Variants in GOLGA4 observed in about 807,000 individuals in gnomAD.
GOLGA4 encodes golgin A4.
A neutral mutation model predicts 265.9 loss-of-function variants in GOLGA4; 169 were observed. The observed-to-expected ratio is 0.64, with a 90% CI of 0.56 to 0.72. The LOEUF is 0.72. Ranked by LOEUF, GOLGA4 falls within the 30% of genes least tolerant of loss-of-function variation. The pLI is 0.00. For missense variants in GOLGA4, 2,482 were observed against 2,483.4 expected, an observed-to-expected ratio of 1.00 and a Z score of 0.01; for synonymous variants, 923 against 855.8, an observed-to-expected ratio of 1.08 and a Z score of -1.37.
Position 37,294,975 on chromosome 3 carries a change from T to G in GOLGA4, c.583-4T>G, listed in dbSNP as rs765351500. ...AATTACCTGTAAATCATTTTATGTT[T>G]TAGGAGCTCCAAATGGACCAGCAGG... On this transcript the variant is annotated splice_region_variant and splice_polypyrimidine_tract_variant and intron_variant, in intron 5 of 23. Transcript: ENST00000361924. The G allele has an allele frequency of 6.3e-7, 1 of 1,576,530 alleles. No individual in the cohort carries two copies. The highest frequency in any genetic ancestry group is 1.2e-5 in the South Asian group (1 of 85,692).
chr3:37,298,870 C>T lies in GOLGA4; in HGVS notation c.852C>T (p.Leu284=). ...CTTCTGTAAAAACACTGGAAACACT[C>T]CAGCAAAGAGTGAAGCGTCAAGAGA... The part of the protein sequence containing the change: ...DGTSVKTLET[L]QQRVKRQENL... Residue 284 remains leucine, a synonymous_variant, in exon 8 of 24, where the codon CTC becomes CTT. Coordinates refer to ENST00000361924, the MANE Select transcript of GOLGA4 (RefSeq NM_002078.5). The T allele has an allele frequency of 6.2e-7, 1 of 1,612,018 alleles. No homozygotes were observed. Among genetic ancestry groups the T allele is most frequent in the Non-Finnish European group, 8.5e-7 (1 of 1,179,322 alleles).
chr3:37,313,050 GA>G (rs1025778856), intron 10 of GOLGA4, among the ~76,000 whole-genome samples: 4 of 152,038 alleles, frequency 2.6e-5, no homozygotes, highest in African/African-American at 7.2e-5. Flanking sequence ...TAAAAATACA[GA>G]AATTAGCCCG....
Position 37,246,341 on chromosome 3 carries a change from T to C in GOLGA4, c.72+2719T>C, listed in dbSNP as rs547511634. Among the ~76,000 whole-genome samples the C allele has an allele frequency of 2.0e-5, 3 of 151,632 alleles. No homozygotes were observed. In the South Asian group the frequency reaches 6.3e-4, roughly 32 times the overall value. Reference sequence around the variant, plus strand: ...AAAAAAAATATGTTTTAACAACAAATACCTATTTTGGATTTTTAAACTCCT... The same window carrying C: ...AAAAAAAATATGTTTTAACAACAAACACCTATTTTGGATTTTTAAACTCCT... On this transcript the variant is annotated intron_variant, in intron 1 of 23. Coordinates refer to ENST00000361924, the MANE Select transcript of GOLGA4 (RefSeq NM_002078.5).
intron 17 of GOLGA4, 139 bp from the exon 18 acceptor site, chr3:37,337,004 G>A: frequency 1.6e-6 from 1 of 629,688 alleles, no homozygotes; most frequent in South Asian, 1.9e-5. Context: ...ATTTAAAGTT[G>A]CCTTACCTCA....
Position 37,315,400 on chromosome 3 carries a change from T to C in GOLGA4, c.1235-20T>C, listed in dbSNP as rs2096934826. On this transcript the variant is annotated intron_variant, in intron 10 of 23. Coordinates refer to ENST00000361924, the MANE Select transcript of GOLGA4 (RefSeq NM_002078.5). The stretch of plus-strand genomic sequence containing the variant: ...GATAATATTTCTTGAGATACTTGTT[T>C]TCTGTTGTTTTCATTATAGCTTTTG... The C allele has an allele frequency of 6.3e-7, 1 of 1,594,164 alleles. No individual in the cohort carries two copies. The highest frequency in any genetic ancestry group is 1.8e-5 in the Admixed American group (1 of 55,612).
intron 2 of GOLGA4, among the ~76,000 whole-genome samples, chr3:37,273,316 T>C (rs1371528984): frequency 6.6e-6 from 1 of 152,230 alleles, no homozygotes; most frequent in Non-Finnish European, 1.5e-5. Flanking sequence ...ATCTTTGCTA[T>C]TGAGTTCTGT....
At chr3:37,247,480 C>T (rs1254723694) in intron 1 of GOLGA4, among the ~76,000 whole-genome samples, 3 of 152,186 alleles carry the variant, frequency 2.0e-5, no homozygotes, top group Non-Finnish European at 4.4e-5. Flanking sequence ...ATCAGGGTGA[C>T]ATCTGAGTAG....
intron 2 of GOLGA4, among the ~76,000 whole-genome samples, chr3:37,260,247 C>T (rs1164318431): frequency 6.6e-6 from 1 of 151,638 alleles, no homozygotes; most frequent in Non-Finnish European, 1.5e-5. Flanking sequence ...CATCCTGGGC[C>T]ACAGGTTGGA....
chr3:37,356,921 C>T (rs1376446600), intron 22 of GOLGA4, among the ~76,000 whole-genome samples: 1 of 152,122 alleles, frequency 6.6e-6, no homozygotes, highest in Non-Finnish European at 1.5e-5. Flanking sequence ...AGTGTAGGCT[C>T]ATCCTAAGTC....
intron 4 of GOLGA4, among the ~76,000 whole-genome samples, chr3:37,288,503 G>A (rs1219015482): frequency 6.7e-6 from 1 of 149,554 alleles, no homozygotes; most frequent in East Asian, 2.0e-4. Context: ...TTGAGATGGA[G>A]TCTTGCTCTT....
intron 3 of GOLGA4, among the ~76,000 whole-genome samples, chr3:37,282,858 A>C (rs2096838518): frequency 6.6e-6 from 1 of 152,156 alleles, no homozygotes; most frequent in Non-Finnish European, 1.5e-5. Context: ...TTCACTTTTC[A>C]ATCCTTTAGG....
rs1284262503 is a variant in GOLGA4, at chr3:37,257,909, ATATATG to A, written c.162+6429_162+6434del. On this transcript the variant is annotated intron_variant, in intron 2 of 23. Coordinates refer to ENST00000361924, the MANE Select transcript of GOLGA4 (RefSeq NM_002078.5). ...CATATATATACATATATATATATAT[ATATATG>A]TATGTATATATGTATATATACATAC... Among the ~76,000 whole-genome samples the A allele has an allele frequency of 3.2e-5, 4 of 126,972 alleles. 1 individual carries two copies. The highest frequency in any genetic ancestry group is 6.5e-5 in the Non-Finnish European group (4 of 61,128). 83.3% of individuals were successfully genotyped at this position (126,972 alleles called of 152,430 possible).
chr3:37,299,211 A>G (rs1436181836), intron 8 of GOLGA4, 77 bp from the exon 9 acceptor site: 3 of 1,030,208 alleles, frequency 2.9e-6, no homozygotes, highest in African/African-American at 3.2e-5. Context: ...ATGTATATAA[A>G]TTAGATAAAT....
rs369039900 is a variant in GOLGA4, at chr3:37,302,292, A to G, written c.1194A>G (p.Gly398=). 4 of 1,613,622 alleles carry G rather than the reference A, an allele frequency of 2.5e-6. No homozygotes were observed. Among genetic ancestry groups the G allele is most frequent in the Non-Finnish European group, 2.5e-6 (3 of 1,179,662 alleles). ...GCATCAAACAGATGACTACCCAGGG[A>G]GAGGAATTACGGGAACAGAAAGAAA... ...RSRIKQMTTQ[G]EELREQKEKS... Residue 398 remains glycine (G), a synonymous_variant, in exon 10 of 24, where the codon GGA becomes GGG. Coordinates refer to ENST00000361924, the MANE Select transcript of GOLGA4 (RefSeq NM_002078.5).
chr3:37,344,152 A>C (rs1030616763), intron 20 of GOLGA4, among the ~76,000 whole-genome samples: 1 of 152,178 alleles, frequency 6.6e-6, no homozygotes, highest in African/African-American at 2.4e-5. Flanking sequence ...TTCAGGCTGG[A>C]GTGTAGTGGC....
At chr3:37,327,931 C>A in intron 14 of GOLGA4, 106 bp downstream of exon 14, 1 of 868,984 alleles carries the variant, frequency 1.2e-6, no homozygotes, top group Non-Finnish European at 1.7e-6. Flanking sequence ...TAAGTTTCAC[C>A]AACCCAAAAT....
intron 10 of GOLGA4, among the ~76,000 whole-genome samples, chr3:37,305,315 T>C (rs1190856610): frequency 6.6e-6 from 1 of 152,216 alleles, no homozygotes; most frequent in Non-Finnish European, 1.5e-5. Flanking sequence ...ATATTTGTAG[T>C]CATAATAATT....
At chr3:37,344,864 C>G (rs901446419) in intron 20 of GOLGA4, among the ~76,000 whole-genome samples, 1 of 152,190 alleles carries the variant, frequency 6.6e-6, no homozygotes, top group Non-Finnish European at 1.5e-5. Context: ...GGTATTGATT[C>G]TCCAACCCAT....
At chr3:37,330,277 G>T (rs1486450647) in intron 16 of GOLGA4, among the ~76,000 whole-genome samples, 1 of 151,982 alleles carries the variant, frequency 6.6e-6, no homozygotes, top group African/African-American at 2.4e-5. Flanking sequence ...CTACATAGTG[G>T]TAGAGCAGTG....
Sources: gnomAD v4.1 joint callset for allele counts (sites outside exome capture counted in the v4.1 genomes callset) on GRCh38, gnomAD v4.1.1 for gene constraint, MANE v1.5 for transcripts, NCBI Gene and HGNC (gene_info 2026-07-23, HGNC 2026-07-21) for gene names.